The following TRPM3 variants were observed in gnomAD, a reference collection of about 807,000 sequenced individuals.
The protein encoded by TRPM3 is long transient receptor potential channel 3.
Under a neutral mutation model 181.2 loss-of-function variants are expected in TRPM3, and 77 were observed. The ratio of observed to expected loss-of-function variants is 0.42; its 90% CI spans 0.35 to 0.51. The LOEUF is 0.51. Among genes scored for constraint, TRPM3 ranks in the 20% least tolerant of loss-of-function variants. TRPM3 has a pLI of 0.01. For synonymous variants in TRPM3, 745 were observed against 796.4 expected (o/e 0.94, Z 1.09); for missense variants, 1,759 against 2,196.7 (o/e 0.80, Z 3.98).
At chr9:70,992,405 A>C (rs764147770) in intron 1 of TRPM3, among the ~76,000 whole-genome samples, 4 of 152,182 alleles carry the variant, frequency 2.6e-5, no homozygotes, top group Non-Finnish European at 5.9e-5. Flanking sequence ...GGGTAGATTA[A>C]TTCTGCCCCC....
chr9:71,322,972 C>A (rs984682771), intron 1 of TRPM3, among the ~76,000 whole-genome samples: 42 of 152,082 alleles, frequency 2.8e-4, no homozygotes, highest in African/African-American at 1.0e-3. Flanking sequence ...CTTTCATTTA[C>A]CTTTTTGCAA....
At chr9:71,338,092 GA>G (rs386734897) in intron 1 of TRPM3, among the ~76,000 whole-genome samples, 71 of 144,546 alleles carry the variant, frequency 4.9e-4, no homozygotes, top group East Asian at 1.2e-3. Flanking sequence ...AACAACAACA[GA>G]AAAAAAAAAA....
chr9:71,049,003 A>G (rs1403863499), intron 1 of TRPM3, among the ~76,000 whole-genome samples: 1 of 152,160 alleles, frequency 6.6e-6, no homozygotes, highest in Non-Finnish European at 1.5e-5. Flanking sequence ...CTTCAAACTC[A>G]CATTCTTAAA....
At chr9:71,411,359 G>A (rs188310778) in intron 1 of TRPM3, among the ~76,000 whole-genome samples, 9 of 152,156 alleles carry the variant, frequency 5.9e-5, no homozygotes, top group South Asian at 2.1e-4. Context: ...AAACCACATC[G>A]TCTCAGCCCA....
chr9:71,239,699 T>A (rs7024365), intron 1 of TRPM3, among the ~76,000 whole-genome samples: 2 of 151,872 alleles, frequency 1.3e-5, no homozygotes, highest in South Asian at 2.1e-4. Context: ...AATTGTAGTA[T>A]TATTCCTTAG....
chr9:70,874,668 C>T (rs2095843631), intron 1 of TRPM3, among the ~76,000 whole-genome samples: 2 of 151,932 alleles, frequency 1.3e-5, no homozygotes, highest in African/African-American at 2.4e-5. Context: ...AAAATTGGAA[C>T]ATTTTATGTT....
intron 19 of TRPM3, among the ~76,000 whole-genome samples, chr9:70,605,369 C>T (rs1032898516): frequency 5.3e-5 from 8 of 152,086 alleles, no homozygotes; most frequent in African/African-American, 1.4e-4. Context: ...TGAAGTATGT[C>T]GGAGTTAAAT....
intron 9 of TRPM3, among the ~76,000 whole-genome samples, chr9:70,651,295 T>G (rs538785941): frequency 6.6e-6 from 1 of 152,354 alleles, no homozygotes; most frequent in Non-Finnish European, 1.5e-5. Flanking sequence ...TTGTTATTCT[T>G]TCTTAGAATA....
chr9:70,788,462 G>T (rs2084483043), intron 6 of TRPM3, among the ~76,000 whole-genome samples: 1 of 151,834 alleles, frequency 6.6e-6, no homozygotes, highest in Non-Finnish European at 1.5e-5. Flanking sequence ...CATTATTACT[G>T]CCCAGTTATA....
intron 1 of TRPM3, among the ~76,000 whole-genome samples, chr9:71,246,162 G>C (rs2082025173): frequency 6.6e-6 from 1 of 151,944 alleles, no homozygotes; most frequent in Non-Finnish European, 1.5e-5. Context: ...TCCAATAATG[G>C]GTACAAAAGC....
chr9:70,778,765 T>C (rs368421291), intron 7 of TRPM3, among the ~76,000 whole-genome samples: 30 of 152,238 alleles, frequency 2.0e-4, no homozygotes, highest in African/African-American at 7.0e-4. Flanking sequence ...GCAGGTCTTA[T>C]AGAGACAAAT....
intron 7 of TRPM3, among the ~76,000 whole-genome samples, chr9:70,765,175 C>T (rs1179594518): frequency 1.3e-5 from 2 of 152,128 alleles, no homozygotes; most frequent in Non-Finnish European, 2.9e-5. Flanking sequence ...TTCAGCCTTG[C>T]CCCATGGTGT....
intron 1 of TRPM3, among the ~76,000 whole-genome samples, chr9:71,375,980 A>G (rs1486281189): frequency 1.3e-5 from 2 of 152,166 alleles, no homozygotes; most frequent in Non-Finnish European, 2.9e-5. Flanking sequence ...GTAGTCTGGA[A>G]CCGAACCTAC....
intron 8 of TRPM3, among the ~76,000 whole-genome samples, chr9:70,683,007 G>A (rs561537981): frequency 1.3e-5 from 2 of 152,288 alleles, no homozygotes; most frequent in East Asian, 3.9e-4. Flanking sequence ...CTAAAGACAA[G>A]GTAGTTTGTT....
intron 18 of TRPM3, 53 bp downstream of exon 18, chr9:70,615,855 C>G (rs1295272044): frequency 6.5e-7 from 1 of 1,530,944 alleles, no homozygotes; most frequent in Non-Finnish European, 8.8e-7. Flanking sequence ...ATCGGTGGGA[C>G]AAGTGGATTA....
intron 1 of TRPM3, among the ~76,000 whole-genome samples, chr9:70,987,073 T>A (rs1273134791): frequency 6.6e-6 from 1 of 152,000 alleles, no homozygotes; most frequent in East Asian, 1.9e-4. Flanking sequence ...GTAAACATAT[T>A]CAGCAGTATA....
intron 1 of TRPM3, among the ~76,000 whole-genome samples, chr9:71,051,543 T>C (rs973546554): frequency 6.6e-6 from 1 of 152,104 alleles, no homozygotes; most frequent in Admixed American, 6.5e-5. Flanking sequence ...TTCACTCATG[T>C]TAGGGGCTCC....
intron 1 of TRPM3, among the ~76,000 whole-genome samples, chr9:71,215,048 A>AGG (rs2079771050): frequency 1.8e-5 from 1 of 55,752 alleles, no homozygotes; most frequent in Non-Finnish European, 4.0e-5. Context: ...AAAAAAAAAC[A>AGG]AAAAAAAAAA....
intron 6 of TRPM3, chr9:70,826,125 C>T (rs773009113): frequency 3.3e-5 from 5 of 152,258 alleles, no homozygotes; most frequent in African/African-American, 9.6e-5. Flanking sequence ...CAGCTTCTAG[C>T]TCAGTCCTAT....
Sources: gnomAD v4.1 joint callset for allele counts (sites outside exome capture counted in the v4.1 genomes callset) on GRCh38, gnomAD v4.1.1 for gene constraint, MANE v1.5 for transcripts, NCBI Gene and HGNC (gene_info 2026-07-23, HGNC 2026-07-21) for gene names.